The following LPP variants were observed in gnomAD, a reference collection of about 807,000 sequenced individuals.
LPP encodes LIM domain containing preferred translocation partner in lipoma.
LPP carries 38 observed loss-of-function variants against 60.4 expected under a neutral mutation model. The observed-to-expected ratio is 0.63, with a 90% confidence interval of 0.49 to 0.83. The LOEUF (loss-of-function observed/expected upper bound fraction) is 0.83, where lower values mean the gene tolerates loss of function less well. Ranked by LOEUF, LPP falls within the 40% of genes least tolerant of loss-of-function variation. LPP has a pLI of 0.00. For synonymous variants in LPP, 328 were observed against 290.8 expected (o/e 1.13, Z -1.30); for missense variants, 902 against 783.6 (o/e 1.15, Z -1.80).
At chr3:188,200,596 A>G (rs190865148) in intron 1 of LPP, among the ~76,000 whole-genome samples, 29 of 152,344 alleles carry the variant, frequency 1.9e-4, no homozygotes, top group Admixed American at 1.0e-3. Context: ...TTTGCCCTTC[A>G]TGATTCCCTG....
At chr3:188,516,588 C>T (rs935248520) in intron 5 of LPP, among the ~76,000 whole-genome samples, 2 of 147,558 alleles carry the variant, frequency 1.4e-5, no homozygotes, top group Non-Finnish European at 3.0e-5. Context: ...CAGTACCCAC[C>T]CTTACTCCCC....
chr3:188,317,336 G>T (rs996454541), intron 2 of LPP, among the ~76,000 whole-genome samples: 8 of 151,554 alleles, frequency 5.3e-5, no homozygotes, highest in Non-Finnish European at 8.8e-5. Context: ...TATTATTCAT[G>T]CAGGGCATCC....
intron 4 of LPP, among the ~76,000 whole-genome samples, chr3:188,424,714 A>G (rs944452220): frequency 1.3e-5 from 2 of 152,118 alleles, no homozygotes; most frequent in African/African-American, 4.8e-5. Context: ...CTTTATAGCA[A>G]TTGTGAATGG....
At position 188,185,377 on chromosome 3, in the gene LPP, G is replaced by T. The variant is rs186210321; in HGVS notation, c.-190+31125G>T. 1.5e-3 allele frequency among the ~76,000 whole-genome samples: 235 copies of T among 151,802 alleles called. 1 individual carries two copies. Among genetic ancestry groups the T allele is most frequent in the African/African-American group, 5.3e-3 (219 of 41,348 alleles). On this transcript the variant is annotated intron_variant, in intron 1 of 11. Coordinates refer to ENST00000617246, the MANE Select transcript of LPP (RefSeq NM_001375462.1). ...TCAGGAACATTAATCTTCTTCACTC[G>T]CTCTTGTTTTATCCAGAGTAGATAA... is the stretch of plus-strand genomic sequence containing the variant.
chr3:188,515,400 C>T (rs563525700), intron 5 of LPP, among the ~76,000 whole-genome samples: 1 of 152,272 alleles, frequency 6.6e-6, no homozygotes, highest in South Asian at 2.1e-4. Context: ...TGACACCATG[C>T]TTCTTATATA....
chr3:188,579,649 C>T (rs751309948), intron 6 of LPP, among the ~76,000 whole-genome samples: 19 of 50,432 alleles, frequency 3.8e-4, no homozygotes, highest in African/African-American at 7.5e-4. Context: ...TTCTAAATCT[C>T]GCTTTTTTTT....
intron 2 of LPP, among the ~76,000 whole-genome samples, chr3:188,253,715 G>A (rs1730720587): frequency 6.6e-6 from 1 of 152,084 alleles, no homozygotes; most frequent in Admixed American, 6.5e-5. Flanking sequence ...GTCCATTTTT[G>A]TCAAAAATTA....
At chr3:188,717,890 G>A (rs75543840) in intron 8 of LPP, among the ~76,000 whole-genome samples, 4,867 of 151,880 alleles carry the variant, frequency 0.032, 126 homozygotes, top group South Asian at 0.089. Flanking sequence ...CGATCTCGGT[G>A]CACCACAAAC....
chr3:188,888,608 T>A lies in LPP; in HGVS notation c.*14129T>A, dbSNP rs1770939869. Reference sequence around the variant, plus strand: ...GGCTCTATTAACTTTACTTTTAGATTTACTGCCTTCAAAAAGTGCCTATTC... The same window carrying A: ...GGCTCTATTAACTTTACTTTTAGATATACTGCCTTCAAAAAGTGCCTATTC... On this transcript the variant is annotated 3_prime_UTR_variant, in exon 12 of 12. Coordinates refer to ENST00000617246, the MANE Select transcript of LPP (RefSeq NM_001375462.1). 4.5e-6 allele frequency: 1 copy of A among 224,098 alleles called. No homozygotes were observed. The allele number at this position is 224,098 out of a possible 1,614,324, so 13.9% of individuals were successfully genotyped here.
intron 2 of LPP, among the ~76,000 whole-genome samples, chr3:188,314,966 C>T (rs900333793): frequency 2.7e-5 from 4 of 150,508 alleles, no homozygotes; most frequent in Admixed American, 2.0e-4. Flanking sequence ...GAGTGAAGAA[C>T]GGAGTGAAGA....
intron 3 of LPP, among the ~76,000 whole-genome samples, chr3:188,355,269 A>T (rs941690258): frequency 6.6e-6 from 1 of 152,120 alleles, no homozygotes; most frequent in South Asian, 2.1e-4. Context: ...GGCCTCCCAA[A>T]GTGCTGGGAT....
chr3:188,154,172 T>C lies in LPP; in HGVS notation c.-270T>C. On this transcript the variant is annotated 5_prime_UTR_variant, in exon 1 of 12. Coordinates refer to ENST00000617246, the MANE Select transcript of LPP (RefSeq NM_001375462.1). ...GTGCCCGGGCACCTCCTCCTCTGCC[T>C]CTGCCTCCGCCTCCAGCCGCCGCCG... The C allele has an allele frequency of 4.6e-6, 1 of 215,278 alleles. No individual in the cohort carries two copies. Among genetic ancestry groups the C allele is most frequent in the South Asian group, 6.7e-5 (1 of 14,942 alleles). The allele number at this position is 215,278 out of a possible 1,614,324, so 13.3% of individuals were successfully genotyped here. A position where few individuals can be genotyped will look rare whatever the true frequency, so the allele number is the denominator to read the frequency against.
intron 7 of LPP, among the ~76,000 whole-genome samples, chr3:188,645,828 T>C (rs1472434175): frequency 6.6e-6 from 1 of 150,818 alleles, no homozygotes; most frequent in African/African-American, 2.4e-5. Flanking sequence ...AAACAGAAAA[T>C]AAATTCCTTA....
chr3:188,833,823 GT>G (rs1277264507), intron 9 of LPP, among the ~76,000 whole-genome samples: 1 of 152,076 alleles, frequency 6.6e-6, no homozygotes, highest in African/African-American at 2.4e-5. Flanking sequence ...AGCAAGGACT[GT>G]TCATTCTTTT....
chr3:188,440,698 A>G (rs1414025589), intron 4 of LPP, among the ~76,000 whole-genome samples: 2 of 152,204 alleles, frequency 1.3e-5, no homozygotes, highest in African/African-American at 4.8e-5. Context: ...ACCATAGGTT[A>G]TCTTAATTAG....
intron 1 of LPP, among the ~76,000 whole-genome samples, chr3:188,181,923 A>G (rs1269109859): frequency 2.0e-5 from 3 of 152,298 alleles, no homozygotes; most frequent in African/African-American, 4.8e-5. Context: ...CTCTTCCACA[A>G]TTTAACTACT....
At chr3:188,287,445 T>C (rs1663059187) in intron 2 of LPP, among the ~76,000 whole-genome samples, 1 of 152,182 alleles carries the variant, frequency 6.6e-6, no homozygotes, top group South Asian at 2.1e-4. Flanking sequence ...GCTCTTTGGA[T>C]TCTCAATTCC....
At chr3:188,565,258 G>T (rs973754896) in intron 6 of LPP, among the ~76,000 whole-genome samples, 5 of 151,992 alleles carry the variant, frequency 3.3e-5, no homozygotes, top group African/African-American at 7.2e-5. Flanking sequence ...AGTGGTTGGT[G>T]TGGTAGAGAC....
chr3:188,814,075 A>G (rs1751821814), intron 9 of LPP, among the ~76,000 whole-genome samples: 1 of 152,090 alleles, frequency 6.6e-6, no homozygotes, highest in African/African-American at 2.4e-5. Flanking sequence ...CTATCTCAAA[A>G]CACAAACATA....
Sources: gnomAD v4.1 joint callset for allele counts (sites outside exome capture counted in the v4.1 genomes callset) on GRCh38, gnomAD v4.1.1 for gene constraint, MANE v1.5 for transcripts, NCBI Gene and HGNC (gene_info 2026-07-23, HGNC 2026-07-21) for gene names.